Variants in IMMP2L observed in about 807,000 individuals in gnomAD.
The protein encoded by IMMP2L is inner mitochondrial membrane peptidase subunit 2.
In IMMP2L, 18 loss-of-function variants were observed where a neutral mutation model predicts 19.3. The ratio of observed to expected loss-of-function variants is 0.93; its 90% CI spans 0.64 to 1.38. The LOEUF is 1.38. Ranked by LOEUF, IMMP2L falls within the 40% of genes most tolerant of loss-of-function variation. The pLI is 0.00. For missense variants in IMMP2L, 233 were observed against 218.2 expected, an observed-to-expected ratio of 1.07 and a Z score of -0.43; for synonymous variants, 76 against 73.0, an observed-to-expected ratio of 1.04 and a Z score of -0.21.
intron 3 of IMMP2L, among the ~76,000 whole-genome samples, chr7:111,316,093 T>C (rs1483199419): frequency 1.3e-5 from 2 of 152,112 alleles, no homozygotes; most frequent in African/African-American, 2.4e-5. Context: ...ACAATGATAT[T>C]TGTGTATCTA....
At chr7:110,787,731 T>C (rs1800180425) in intron 5 of IMMP2L, among the ~76,000 whole-genome samples, 1 of 151,914 alleles carries the variant, frequency 6.6e-6, no homozygotes. Flanking sequence ...ATACGCTTTA[T>C]ATGTCAGGTC....
chr7:111,094,172 T>G (rs1422837739), intron 3 of IMMP2L, among the ~76,000 whole-genome samples: 1 of 152,194 alleles, frequency 6.6e-6, no homozygotes, highest in Non-Finnish European at 1.5e-5. Context: ...GTAACATTCC[T>G]GTGTAACATG....
At chr7:110,967,947 G>C (rs1188522709) in intron 3 of IMMP2L, among the ~76,000 whole-genome samples, 3 of 151,986 alleles carry the variant, frequency 2.0e-5, no homozygotes, top group African/African-American at 7.2e-5. Context: ...ACAATGGCTA[G>C]AGCTAAAAGG....
chr7:111,253,150 A>G (rs1816330332), intron 3 of IMMP2L, among the ~76,000 whole-genome samples: 1 of 152,200 alleles, frequency 6.6e-6, no homozygotes, highest in African/African-American at 2.4e-5. Flanking sequence ...CACCTGGAGT[A>G]TTTAAGGGGG....
intron 3 of IMMP2L, among the ~76,000 whole-genome samples, chr7:111,344,540 C>G (rs943279280): frequency 6.6e-6 from 1 of 152,174 alleles, no homozygotes; most frequent in African/African-American, 2.4e-5. Context: ...GTCTGGCATA[C>G]AGTAGAAAGA....
At chr7:111,327,438 C>T (rs1007296943) in intron 3 of IMMP2L, among the ~76,000 whole-genome samples, 1 of 151,674 alleles carries the variant, frequency 6.6e-6, no homozygotes, top group African/African-American at 2.4e-5. Flanking sequence ...TTAACATGTA[C>T]TCAACTCCCT....
chr7:111,165,220 G>C (rs1487309845), intron 3 of IMMP2L, among the ~76,000 whole-genome samples: 1 of 151,970 alleles, frequency 6.6e-6, no homozygotes, highest in Non-Finnish European at 1.5e-5. Context: ...AATGGCCTGA[G>C]GGTCCATCTA....
At chr7:111,378,805 T>A (rs1830925656) in intron 3 of IMMP2L, among the ~76,000 whole-genome samples, 1 of 151,946 alleles carries the variant, frequency 6.6e-6, no homozygotes, top group Non-Finnish European at 1.5e-5. Context: ...CAGTATCAAT[T>A]TCTTCAGCTC....
At chr7:111,177,297 A>T (rs564316404) in intron 3 of IMMP2L, among the ~76,000 whole-genome samples, 2 of 152,118 alleles carry the variant, frequency 1.3e-5, no homozygotes, top group Admixed American at 6.6e-5. Flanking sequence ...CTCCTACCTC[A>T]TCCTCCTGGG....
At chr7:111,525,449 G>A (rs2132720258) in intron 1 of IMMP2L, among the ~76,000 whole-genome samples, 1 of 152,242 alleles carries the variant, frequency 6.6e-6, no homozygotes, top group East Asian at 1.9e-4. Flanking sequence ...TAAAATTGAG[G>A]TGAATGATCC....
chr7:110,700,041 T>A (rs1584540406), intron 5 of IMMP2L, among the ~76,000 whole-genome samples: 1 of 152,154 alleles, frequency 6.6e-6, no homozygotes, highest in African/African-American at 2.4e-5. Flanking sequence ...TCTTCCCTGG[T>A]CAAGCCTCTG....
chr7:111,167,649 C>T (rs530183576), intron 3 of IMMP2L, among the ~76,000 whole-genome samples: 6 of 151,884 alleles, frequency 4.0e-5, no homozygotes, highest in South Asian at 2.1e-4. Context: ...TTATCTTCAC[C>T]GGGATATAAT....
intron 3 of IMMP2L, among the ~76,000 whole-genome samples, chr7:111,271,481 C>T (rs1450631075): frequency 1.3e-5 from 2 of 152,158 alleles, no homozygotes; most frequent in African/African-American, 2.4e-5. Context: ...GCCAGTGGTT[C>T]TCAAGCTTCA....
intron 1 of IMMP2L, among the ~76,000 whole-genome samples, chr7:111,544,770 T>C (rs769843562): frequency 2.0e-5 from 3 of 147,734 alleles, no homozygotes; most frequent in African/African-American, 7.4e-5. Context: ...TCAACATGTA[T>C]AAAAATAATG....
At chr7:111,418,429 T>C (rs1293617163) in intron 3 of IMMP2L, among the ~76,000 whole-genome samples, 3 of 150,742 alleles carry the variant, frequency 2.0e-5, no homozygotes, top group Admixed American at 6.6e-5. Flanking sequence ...AGTCACATCA[T>C]TGTCACTGAA....
chr7:110,673,232 G>A (rs1158982834), intron 5 of IMMP2L, among the ~76,000 whole-genome samples: 1 of 152,212 alleles, frequency 6.6e-6, no homozygotes, highest in Non-Finnish European at 1.5e-5. Context: ...CCGAAGCAAT[G>A]GTCTGAGCTG....
intron 5 of IMMP2L, among the ~76,000 whole-genome samples, chr7:110,667,889 C>T (rs1791572630): frequency 1.3e-5 from 2 of 152,206 alleles, no homozygotes; most frequent in Admixed American, 1.3e-4. Context: ...TCCACCCCAT[C>T]CGCAATAGGT....
chr7:110,930,298 T>C (rs1815325369), intron 4 of IMMP2L, among the ~76,000 whole-genome samples: 2 of 150,800 alleles, frequency 1.3e-5, no homozygotes, highest in Admixed American at 6.7e-5. Flanking sequence ...TTTTGGACAA[T>C]AGTAAACCTT....
At chr7:111,335,335 A>G (rs1826291367) in intron 3 of IMMP2L, among the ~76,000 whole-genome samples, 1 of 152,114 alleles carries the variant, frequency 6.6e-6, no homozygotes, top group African/African-American at 2.4e-5. Flanking sequence ...GAGAGTCCCA[A>G]AAAAGTCAGC....
Sources: allele counts gnomAD v4.1 joint callset (sites outside exome capture counted in the v4.1 genomes callset), GRCh38; gene constraint gnomAD v4.1.1; transcripts MANE v1.5; gene names NCBI Gene and HGNC (gene_info 2026-07-23, HGNC 2026-07-21).